The following LRP1B variants were observed in gnomAD, a reference collection of about 807,000 sequenced individuals.
LRP1B encodes LDL receptor related protein 1B, also known as low-density lipoprotein receptor-related protein 1B.
In LRP1B, 217 loss-of-function variants were observed where a neutral mutation model predicts 556.6. That is an observed-to-expected ratio of 0.39 (90% CI 0.35 to 0.44). The LOEUF (loss-of-function observed/expected upper bound fraction) is 0.44, where lower values mean the gene tolerates loss of function less well. LRP1B is among the 20% of genes least tolerant of loss of function. The pLI, the probability that LRP1B is intolerant of heterozygous loss-of-function variation, is 1.00. For synonymous variants in LRP1B, 2,047 were observed against 1,865.8 expected (o/e 1.10, Z -2.50); for missense variants, 5,053 against 5,620.8 (o/e 0.90, Z 3.23).
intron 3 of LRP1B, among the ~76,000 whole-genome samples, chr2:141,413,153 G>C (rs1690919134): frequency 6.6e-6 from 1 of 152,016 alleles, no homozygotes; most frequent in Admixed American, 6.5e-5. Flanking sequence ...CTTGAGCCCG[G>C]GAGTTCAAGG....
intron 47 of LRP1B, among the ~76,000 whole-genome samples, chr2:140,529,494 CTTTTA>C (rs1420928772): frequency 1.3e-5 from 2 of 151,706 alleles, no homozygotes; most frequent in African/African-American, 4.8e-5. Context: ...CAAACAACAT[CTTTTA>C]TTTAATTATT....
At chr2:140,235,503 A>G (rs145952091) in intron 89 of LRP1B, among the ~76,000 whole-genome samples, 14 of 151,284 alleles carry the variant, frequency 9.3e-5, no homozygotes, top group African/African-American at 3.1e-4. Context: ...GTCTAAACCT[A>G]TTAGAACTAG....
At chr2:140,874,693 A>G (rs960423164) in intron 25 of LRP1B, among the ~76,000 whole-genome samples, 5 of 151,876 alleles carry the variant, frequency 3.3e-5, no homozygotes, top group African/African-American at 1.2e-4. Flanking sequence ...TACTTGTGAT[A>G]TTAAATTACA....
At chr2:141,236,721 G>T (rs1398054913) in intron 5 of LRP1B, among the ~76,000 whole-genome samples, 2 of 152,126 alleles carry the variant, frequency 1.3e-5, no homozygotes, top group Non-Finnish European at 2.9e-5. Context: ...CAAATCTAGA[G>T]TAAAGTTGGA....
rs750034031 is a variant in LRP1B at position 140,716,672 on chromosome 2, T to C, written c.5893+10A>G. ...TGTGAAACAGAAAGATAAAAAGCCATGGATTATACCAGCAATCCAGTCAAC... is the reference window on the plus strand; with the variant it reads ...TGTGAAACAGAAAGATAAAAAGCCACGGATTATACCAGCAATCCAGTCAAC... On this transcript the variant is annotated intron_variant, in intron 36 of 90. Coordinates refer to ENST00000389484, the MANE Select transcript of LRP1B (RefSeq NM_018557.3). 3 of 1,595,922 alleles carry C rather than the reference T, an allele frequency of 1.9e-6. No homozygotes were observed. The highest frequency in any genetic ancestry group is 2.7e-5 in the African/African-American group (2 of 73,628).
chr2:141,406,758 T>C lies in LRP1B; in HGVS notation c.343+73638A>G, dbSNP rs1206649516. 2.6e-5 allele frequency among the ~76,000 whole-genome samples: 4 copies of C among 152,128 alleles called. No individual in the cohort carries two copies. The East Asian group carries it at 5.8e-4, about 22-fold the overall frequency. On this transcript the variant is annotated intron_variant, in intron 3 of 90. Coordinates refer to ENST00000389484, the MANE Select transcript of LRP1B (RefSeq NM_018557.3). ...TCCACCATAGGAGGAGATTTAATGA[T>C]CATGTCTATACCATATTTTAGGGGT...
At chr2:140,840,897 A>AG (rs1692083036) in intron 30 of LRP1B, 21 bp downstream of exon 30, 4 of 1,413,086 alleles carry the variant, frequency 2.8e-6, no homozygotes, top group Non-Finnish European at 3.7e-6. Context: ...GAAAAACTTT[A>AG]AAAAAAAAAT....
chr2:141,584,424 G>A (rs1283013681), intron 2 of LRP1B, among the ~76,000 whole-genome samples: 1 of 152,064 alleles, frequency 6.6e-6, no homozygotes, highest in Non-Finnish European at 1.5e-5. Context: ...AAGGACCAAC[G>A]ATGTTAAGAA....
At chr2:141,152,921 A>G (rs1701960144) in intron 7 of LRP1B, among the ~76,000 whole-genome samples, 1 of 151,122 alleles carries the variant, frequency 6.6e-6, no homozygotes, top group Non-Finnish European at 1.5e-5. Flanking sequence ...TATTCTTTGT[A>G]GAATCTAAAA....
At chr2:141,424,158 G>C (rs1680262328) in intron 3 of LRP1B, among the ~76,000 whole-genome samples, 1 of 145,780 alleles carries the variant, frequency 6.9e-6, no homozygotes, top group Non-Finnish European at 1.5e-5. Context: ...TTGTTGCCTG[G>C]GCTGGAGGGC....
chr2:142,106,096 T>C (rs951907959), intron 1 of LRP1B, among the ~76,000 whole-genome samples: 5 of 152,202 alleles, frequency 3.3e-5, no homozygotes, highest in African/African-American at 1.2e-4. Flanking sequence ...CTATGATTTT[T>C]CATTATAGTG....
chr2:140,755,989 T>G (rs963211084), intron 35 of LRP1B, among the ~76,000 whole-genome samples: 6 of 151,904 alleles, frequency 3.9e-5, no homozygotes, highest in African/African-American at 1.4e-4. Context: ...CTATTTAAAC[T>G]AATAAATTCA....
chr2:141,859,384 G>A (rs563979979), intron 1 of LRP1B, among the ~76,000 whole-genome samples: 1 of 152,172 alleles, frequency 6.6e-6, no homozygotes, highest in Admixed American at 6.5e-5. Context: ...AGCATTGCAG[G>A]GCCACAGACA....
At chr2:141,783,412 T>A (rs1574355019) in intron 2 of LRP1B, among the ~76,000 whole-genome samples, 1 of 152,122 alleles carries the variant, frequency 6.6e-6, no homozygotes, top group East Asian at 1.9e-4. Context: ...GACCTTACAG[T>A]CAAAATACAT....
chr2:141,202,947 C>A (rs1200417643), intron 6 of LRP1B, among the ~76,000 whole-genome samples: 1 of 151,976 alleles, frequency 6.6e-6, no homozygotes, highest in East Asian at 1.9e-4. Flanking sequence ...TGTCAGTGTT[C>A]AACTCCCAAT....
intron 47 of LRP1B, among the ~76,000 whole-genome samples, chr2:140,526,629 C>T (rs1690448183): frequency 6.7e-6 from 1 of 150,158 alleles, no homozygotes; most frequent in East Asian, 2.0e-4. Context: ...TAAATGTAAG[C>T]TCCATGAGAG....
At chr2:141,813,833 A>C (rs537902153) in intron 1 of LRP1B, among the ~76,000 whole-genome samples, 12 of 152,298 alleles carry the variant, frequency 7.9e-5, no homozygotes, top group African/African-American at 2.9e-4. Flanking sequence ...GGGCTAAGGC[A>C]GAGATTTATT....
At chr2:140,404,130 C>A (rs892577794) in intron 66 of LRP1B, among the ~76,000 whole-genome samples, 8 of 147,856 alleles carry the variant, frequency 5.4e-5, no homozygotes, top group Admixed American at 1.3e-4. Flanking sequence ...AACTCTAAAT[C>A]TTGAAACAAA....
intron 1 of LRP1B, among the ~76,000 whole-genome samples, chr2:141,896,856 C>A (rs890174247): frequency 2.0e-5 from 3 of 152,046 alleles, no homozygotes; most frequent in Non-Finnish European, 4.4e-5. Flanking sequence ...TTGATTTGCC[C>A]CACATTGGTA....
Sources: gnomAD v4.1 joint callset for allele counts (sites outside exome capture counted in the v4.1 genomes callset) on GRCh38, gnomAD v4.1.1 for gene constraint, MANE v1.5 for transcripts, NCBI Gene and HGNC (gene_info 2026-07-23, HGNC 2026-07-21) for gene names.